KCNMA1: variants seen among roughly 807,000 people sequenced by gnomAD.
KCNMA1 encodes the protein potassium calcium-activated channel subfamily M alpha 1.
In KCNMA1, 29 loss-of-function variants were observed where a neutral mutation model predicts 140.0. The observed-to-expected ratio is 0.21, with a 90% CI of 0.15 to 0.28. The LOEUF is 0.28. Among genes scored for constraint, KCNMA1 ranks in the 10% least tolerant of loss-of-function variants. The pLI is 1.00. For synonymous variants in KCNMA1, 612 were observed against 611.9 expected, an observed-to-expected ratio of 1.00 and a Z score of 0.00; for missense variants, 880 against 1,602.2, an observed-to-expected ratio of 0.55 and a Z score of 7.70.
chr10:77,134,505 A>G (rs11002037), intron 5 of KCNMA1, among the ~76,000 whole-genome samples: 2 of 152,142 alleles, frequency 1.3e-5, no homozygotes, highest in African/African-American at 2.4e-5. Flanking sequence ...ATATACAAAA[A>G]CCAACTCACA....
At chr10:77,505,259 C>T (rs1410830596) in intron 1 of KCNMA1, among the ~76,000 whole-genome samples, 2 of 152,220 alleles carry the variant, frequency 1.3e-5, no homozygotes, top group Admixed American at 6.5e-5. Context: ...AATAGCAGTG[C>T]GGGGTGAAAA....
At chr10:77,281,826 C>A (rs528555152) in intron 2 of KCNMA1, among the ~76,000 whole-genome samples, 1 of 152,294 alleles carries the variant, frequency 6.6e-6, no homozygotes, top group South Asian at 2.1e-4. Flanking sequence ...GTATTAAATG[C>A]TCAGAATAGA....
intron 25 of KCNMA1, among the ~76,000 whole-genome samples, chr10:76,896,392 G>T (rs991559376): frequency 6.6e-6 from 1 of 152,112 alleles, no homozygotes; most frequent in Non-Finnish European, 1.5e-5. Flanking sequence ...CTGTTATCCT[G>T]TTCTTAAGGT....
intron 19 of KCNMA1, among the ~76,000 whole-genome samples, chr10:76,981,003 G>A (rs2079251666): frequency 6.6e-6 from 1 of 152,154 alleles, no homozygotes; most frequent in Admixed American, 6.5e-5. Context: ...GACTGAAAAT[G>A]TGAAAAGCAC....
chr10:77,133,346 T>C (rs903111335), intron 5 of KCNMA1, among the ~76,000 whole-genome samples: 2 of 151,826 alleles, frequency 1.3e-5, no homozygotes, highest in African/African-American at 4.8e-5. Flanking sequence ...TCACATGATA[T>C]GAAAACAACA....
At chr10:77,333,127 G>A (rs984172836) in intron 2 of KCNMA1, among the ~76,000 whole-genome samples, 11 of 152,084 alleles carry the variant, frequency 7.2e-5, no homozygotes, top group African/African-American at 2.7e-4. Flanking sequence ...CATTCGAGAA[G>A]GCAAATAGCA....
At chr10:77,001,267 C>T (rs2086343099) in intron 19 of KCNMA1, 140 bp downstream of exon 19, 3 of 767,784 alleles carry the variant, frequency 3.9e-6, no homozygotes, top group Middle Eastern at 2.4e-4. Flanking sequence ...GCAGCTGGGG[C>T]AACATGTCAG....
Position 77,607,128 on chromosome 10 carries a change from G to A in KCNMA1, c.378+30137C>T, listed in dbSNP as rs145066766. ...AAGGACAGAAAGAACTGTGGGATAAGGAAGGCTCTGAATGTCAGAAAAGGG... is the reference window on the plus strand; with the variant it reads ...AAGGACAGAAAGAACTGTGGGATAAAGAAGGCTCTGAATGTCAGAAAAGGG... On this transcript the variant is annotated intron_variant, in intron 1 of 27. Transcript: ENST00000286628. Among the ~76,000 whole-genome samples the A allele has an allele frequency of 2.6e-3, 400 of 152,358 alleles. 1 individual carries two copies. The highest frequency in any genetic ancestry group is 4.4e-3 in the Non-Finnish European group (301 of 68,042).
chr10:76,998,161 C>T (rs1041524628), intron 19 of KCNMA1, among the ~76,000 whole-genome samples: 8 of 152,026 alleles, frequency 5.3e-5, no homozygotes, highest in East Asian at 1.9e-4. Context: ...AGGGGTGCAC[C>T]GAGCAGGCAG....
At chr10:77,495,438 C>T (rs575155513) in intron 1 of KCNMA1, among the ~76,000 whole-genome samples, 2 of 152,324 alleles carry the variant, frequency 1.3e-5, no homozygotes, top group Admixed American at 1.3e-4. Flanking sequence ...GGTCTAAAGG[C>T]CCCAGTGGCA....
chr10:77,536,490 G>T (rs543040405), intron 1 of KCNMA1, among the ~76,000 whole-genome samples: 4 of 152,136 alleles, frequency 2.6e-5, no homozygotes, highest in Admixed American at 2.6e-4. Flanking sequence ...TTTAGAATGT[G>T]CTAGATACAA....
intron 15 of KCNMA1, among the ~76,000 whole-genome samples, chr10:77,032,182 C>T (rs1026725954): frequency 6.6e-6 from 1 of 152,174 alleles, no homozygotes; most frequent in Non-Finnish European, 1.5e-5. Flanking sequence ...CCCTCTTATA[C>T]CCTTATGTAC....
chr10:77,280,671 C>T (rs1461919648), intron 2 of KCNMA1, among the ~76,000 whole-genome samples: 4 of 150,590 alleles, frequency 2.7e-5, no homozygotes, highest in African/African-American at 9.8e-5. Context: ...GGACTACAGA[C>T]AGGCATCACC....
At chr10:77,031,631 T>C (rs550217564) in intron 15 of KCNMA1, among the ~76,000 whole-genome samples, 1 of 152,322 alleles carries the variant, frequency 6.6e-6, no homozygotes, top group African/African-American at 2.4e-5. Context: ...CACAGAGAGT[T>C]GGCCAATGTC....
intron 6 of KCNMA1, among the ~76,000 whole-genome samples, chr10:77,120,586 A>C (rs1479440086): frequency 6.6e-6 from 1 of 152,218 alleles, no homozygotes; most frequent in East Asian, 1.9e-4. Flanking sequence ...GATGTAATAA[A>C]GGGGCGATTT....
intron 2 of KCNMA1, among the ~76,000 whole-genome samples, chr10:77,381,130 C>T (rs1309340270): frequency 1.3e-5 from 2 of 152,156 alleles, no homozygotes; most frequent in African/African-American, 4.8e-5. Context: ...ATTCGTTCAA[C>T]AGATTCATTC....
chr10:77,091,072 T>G (rs1258507469), intron 9 of KCNMA1: 2 of 166,334 alleles, frequency 1.2e-5, no homozygotes, highest in African/African-American at 4.8e-5. Context: ...TTTTGCATTT[T>G]TCCACTATAA....
At chr10:77,360,481 GAGA>G (rs1015026446) in intron 2 of KCNMA1, among the ~76,000 whole-genome samples, 2 of 152,178 alleles carry the variant, frequency 1.3e-5, no homozygotes, top group African/African-American at 4.8e-5. Flanking sequence ...GATTCCTTCA[GAGA>G]AGAAGAAAGA....
In KCNMA1 at chr10:76,885,014, T is replaced by C. The variant is rs1388752571; in HGVS notation, c.*2252A>G. The C allele has an allele frequency of 2.3e-5, 36 of 1,548,588 alleles. No homozygotes were observed. The highest frequency in any genetic ancestry group is 2.9e-5 in the Non-Finnish European group (33 of 1,146,100). On this transcript the variant is annotated 3_prime_UTR_variant, in exon 28 of 28. Transcript: ENST00000286628. ...CTTGGCCCATTCTATTCATCCTTGTTGCACTTTAGAGAGAGAAGTAAGCTA... is the reference window on the plus strand; with the variant it reads ...CTTGGCCCATTCTATTCATCCTTGTCGCACTTTAGAGAGAGAAGTAAGCTA...
Sources: gnomAD v4.1 joint callset for allele counts (sites outside exome capture counted in the v4.1 genomes callset) on GRCh38, gnomAD v4.1.1 for gene constraint, MANE v1.5 for transcripts, NCBI Gene and HGNC (gene_info 2026-07-23, HGNC 2026-07-21) for gene names.